The following FBN2 variants were observed in gnomAD, a reference collection of about 807,000 sequenced individuals.
The protein encoded by FBN2 is fibrillin-2.
FBN2 carries 105 observed loss-of-function variants against 355.6 expected under a neutral mutation model. That is an observed-to-expected ratio of 0.30 (90% CI 0.25 to 0.35). FBN2 has a LOEUF of 0.35. Among genes scored for constraint, FBN2 ranks in the 10% least tolerant of loss-of-function variants. The probability of loss-of-function intolerance (pLI) is 1.00; values close to 1 mark genes in which losing one functional copy is unlikely to be tolerated. For missense variants in FBN2, 3,280 were observed against 3,758.7 expected (o/e 0.87, Z 3.33); for synonymous variants, 1,350 against 1,301.2 (o/e 1.04, Z -0.81).
At chr5:128,479,821 G>C (rs1269861098) in intron 5 of FBN2, among the ~76,000 whole-genome samples, 1 of 151,188 alleles carries the variant, frequency 6.6e-6, no homozygotes, top group Non-Finnish European at 1.5e-5. Flanking sequence ...CAATTACTTA[G>C]GAAGCTGAAG....
At chr5:128,265,455 A>C (rs1004578546) in intron 62 of FBN2, among the ~76,000 whole-genome samples, 4 of 152,190 alleles carry the variant, frequency 2.6e-5, no homozygotes, top group African/African-American at 9.6e-5. Flanking sequence ...TCATGATTAA[A>C]ATTTATAGAC....
rs769445593 is a variant in FBN2, at chr5:128,301,503, A to G, written c.5925T>C (p.Asp1975=). The G allele has an allele frequency of 6.2e-7, 1 of 1,613,288 alleles. No individual in the cohort carries two copies. Among genetic ancestry groups the G allele is most frequent in the Non-Finnish European group, 8.5e-7 (1 of 1,179,740 alleles). The part of the protein sequence containing the change: ...LTHNNDCLDI[D]ECSSFFGQVC... The stretch of plus-strand genomic sequence containing the variant: ...CCTGACCAAAAAAGGAACTGCACTC[A>G]TCTATGTCTGTAAGCAAACAGGAGT... Residue 1975 remains aspartate, a synonymous_variant, in exon 47 of 65, where the codon GAT becomes GAC. Coordinates refer to ENST00000262464, the MANE Select transcript of FBN2 (RefSeq NM_001999.4).
In FBN2 at chr5:128,272,054, G is replaced by A. The variant is rs1489390502; in HGVS notation, c.7905C>T (p.Tyr2635=). Residue 2635 remains tyrosine, a synonymous_variant, in exon 62 of 65, where the codon TAC becomes TAT. Transcript: ENST00000262464. ...QHGCQNILGG[Y]RCGCPQGYIQ... ...TGTAGCCTTGGGGGCAGCCACATCT[G>A]TAGCCACCCAGGATGTTCTGGCAGC... is the stretch of plus-strand genomic sequence containing the variant. 6.2e-7 allele frequency: 1 copy of A among 1,614,044 alleles called. No individual in the cohort carries two copies. The highest frequency in any genetic ancestry group is 8.5e-7 in the Non-Finnish European group (1 of 1,179,950).
intron 41 of FBN2, 100 bp downstream of exon 41, chr5:128,309,147 G>T: frequency 7.7e-7 from 1 of 1,296,738 alleles, no homozygotes; most frequent in Middle Eastern, 1.9e-4. Flanking sequence ...TTGGAACTGA[G>T]CATCTCTAGT....
At chr5:128,437,167 C>G (rs778917367) in intron 7 of FBN2, among the ~76,000 whole-genome samples, 1 of 152,186 alleles carries the variant, frequency 6.6e-6, no homozygotes, top group Admixed American at 6.5e-5. Flanking sequence ...TGGTACAACA[C>G]TGCACAGAGT....
intron 34 of FBN2, among the ~76,000 whole-genome samples, chr5:128,321,737 G>C (rs1194285170): frequency 6.6e-6 from 1 of 152,148 alleles, no homozygotes; most frequent in Non-Finnish European, 1.5e-5. Flanking sequence ...ATTATGAACA[G>C]TGCTGCAATA....
intron 6 of FBN2, among the ~76,000 whole-genome samples, chr5:128,447,737 T>G (rs1384088185): frequency 6.6e-6 from 1 of 152,242 alleles, no homozygotes; most frequent in Non-Finnish European, 1.5e-5. Context: ...AATAAAAACT[T>G]GCTGGTTTTG....
At chr5:128,469,688 G>T (rs1212565225) in intron 5 of FBN2, among the ~76,000 whole-genome samples, 1 of 152,136 alleles carries the variant, frequency 6.6e-6, no homozygotes, top group Non-Finnish European at 1.5e-5. Flanking sequence ...TTGTACAGGT[G>T]AACAGAGCTT....
intron 34 of FBN2, among the ~76,000 whole-genome samples, chr5:128,321,566 G>A (rs1750375892): frequency 6.6e-6 from 1 of 152,136 alleles, no homozygotes; most frequent in Non-Finnish European, 1.5e-5. Flanking sequence ...TCCTGTCTTA[G>A]TTTGCTGAGA....
At chr5:128,281,681 ATTAT>A (rs1198550259) in intron 55 of FBN2, among the ~76,000 whole-genome samples, 1 of 151,752 alleles carries the variant, frequency 6.6e-6, no homozygotes, top group Non-Finnish European at 1.5e-5. Context: ...TAGTTTGGTG[ATTAT>A]TTATTTATTT....
At chr5:128,503,547 T>A (rs1026099865) in intron 5 of FBN2, among the ~76,000 whole-genome samples, 30 of 152,076 alleles carry the variant, frequency 2.0e-4, no homozygotes, top group Non-Finnish European at 1.3e-4. Context: ...GAGGAACTTG[T>A]TGGGAACTGG....
intron 7 of FBN2, among the ~76,000 whole-genome samples, chr5:128,441,698 A>G (rs1277943966): frequency 6.6e-6 from 1 of 152,206 alleles, no homozygotes; most frequent in African/African-American, 2.4e-5. Flanking sequence ...ACAATATGGT[A>G]AGTGAGGAAT....
intron 52 of FBN2, 79 bp from the exon 53 acceptor site, chr5:128,288,636 C>T: frequency 6.6e-6 from 10 of 1,520,482 alleles, no homozygotes; most frequent in Non-Finnish European, 9.0e-6. Flanking sequence ...CATGCTTGGC[C>T]CTCACCCATT....
In FBN2 at chr5:128,278,856, T is replaced by C. The variant is rs768305480; in HGVS notation, c.7139-15A>G. The stretch of plus-strand genomic sequence containing the variant: ...CTGTCGATTGTCTGAAATGGCAAAG[T>C]AGAAAGAGTTAAGGATGCGGAACTG... On this transcript the variant is annotated splice_polypyrimidine_tract_variant and intron_variant, in intron 56 of 64. Coordinates refer to ENST00000262464, the MANE Select transcript of FBN2 (RefSeq NM_001999.4). 1.2e-6 allele frequency: 2 copies of C among 1,604,192 alleles called. No individual in the cohort carries two copies. Among genetic ancestry groups the C allele is most frequent in the Admixed American group, 1.7e-5 (1 of 59,838 alleles).
At chr5:128,298,031 G>C (rs1749579234) in intron 48 of FBN2, among the ~76,000 whole-genome samples, 1 of 150,390 alleles carries the variant, frequency 6.6e-6, no homozygotes, top group Non-Finnish European at 1.5e-5. Flanking sequence ...GGGCAGGCCT[G>C]GTGGTGACAA....
At position 128,318,122 on chromosome 5, in the gene FBN2, T is replaced by TA. The variant is rs1479357334; in HGVS notation, c.4717+26_4717+27insT. ...TGAATATTCAACTTGATAATTCTAT[T>TA]TGTTTGTTTCATATAGCTTTACTTA... On this transcript the variant is annotated intron_variant, in intron 36 of 64. Coordinates refer to ENST00000262464, the MANE Select transcript of FBN2 (RefSeq NM_001999.4). The TA allele has an allele frequency of 8.1e-6, 13 of 1,611,578 alleles. No individual in the cohort carries two copies. In the African/African-American group the frequency reaches 1.7e-4, roughly 22 times the overall value.
At position 128,312,786 on chromosome 5, in the gene FBN2, AC is replaced by A; in HGVS notation, c.4726del (p.Val1576TrpfsTer6). 6.2e-7 allele frequency: 1 copy of A among 1,613,724 alleles called. No individual in the cohort carries two copies. The highest frequency in any genetic ancestry group is 8.5e-7 in the Non-Finnish European group (1 of 1,180,004). On this transcript the variant is annotated frameshift_variant, in exon 37 of 65. Coordinates refer to ENST00000262464, the MANE Select transcript of FBN2 (RefSeq NM_001999.4). LOFTEE classifies it high-confidence loss of function. The part of the protein sequence containing the change: ...PTGVGCVDNR[V>X]GNCYLKFGPR... ...TCCAAACTTCAGGTAGCAGTTGCCC[AC>A]ACGGTTGTCTGCAGAGCAACAAAGG...
chr5:128,288,584 A>C lies in FBN2; in HGVS notation c.6638-27T>G, dbSNP rs549223723. ...TGAAAAAGAAGAATAAGAAACTGCC[A>C]CAAAGATGTTTTAGTTTAACAGGAG... is the stretch of plus-strand genomic sequence containing the variant. On this transcript the variant is annotated intron_variant, in intron 52 of 64. Coordinates refer to ENST00000262464, the MANE Select transcript of FBN2 (RefSeq NM_001999.4). 3.8e-5 allele frequency: 62 copies of C among 1,611,442 alleles called. 1 individual carries two copies. The South Asian group carries it at 6.8e-4, about 18-fold the overall frequency.
At chr5:128,377,567 A>G (rs1430751267) in intron 13 of FBN2, among the ~76,000 whole-genome samples, 185 bp downstream of exon 13, 1 of 152,014 alleles carries the variant, frequency 6.6e-6, no homozygotes, top group South Asian at 2.1e-4. Flanking sequence ...AAAAAACCAA[A>G]AAACAAACAA....
Sources: allele counts gnomAD v4.1 joint callset (sites outside exome capture counted in the v4.1 genomes callset), GRCh38; gene constraint gnomAD v4.1.1; transcripts MANE v1.5; gene names NCBI Gene and HGNC (gene_info 2026-07-23, HGNC 2026-07-21).